NRCAM: variants seen among roughly 807,000 people sequenced by gnomAD.
NRCAM encodes NgCAM-related cell adhesion molecule.
In NRCAM, 83 loss-of-function variants were observed where a neutral mutation model predicts 156.5. That is an observed-to-expected ratio of 0.53 (90% CI 0.44 to 0.64). The LOEUF is 0.64. NRCAM is among the 30% of genes least tolerant of loss of function. The pLI, the probability that NRCAM is intolerant of heterozygous loss-of-function variation, is 0.00. For missense variants in NRCAM, 1,417 were observed against 1,597.3 expected (o/e 0.89, Z 1.92); for synonymous variants, 538 against 563.9 (o/e 0.95, Z 0.65).
intron 2 of NRCAM, among the ~76,000 whole-genome samples, chr7:108,375,227 G>C (rs776141847): frequency 2.6e-5 from 4 of 152,082 alleles, no homozygotes; most frequent in Non-Finnish European, 5.9e-5. Flanking sequence ...ACTACATTAT[G>C]CAGCAGAGTG....
At chr7:108,335,012 T>TAC (rs1462255833) in intron 2 of NRCAM, among the ~76,000 whole-genome samples, 1 of 152,202 alleles carries the variant, frequency 6.6e-6, no homozygotes, top group African/African-American at 2.4e-5. Context: ...TAGGCATATT[T>TAC]ACATCCATTA....
intron 2 of NRCAM, among the ~76,000 whole-genome samples, chr7:108,322,887 A>G (rs1429035582): frequency 6.6e-6 from 1 of 152,226 alleles, no homozygotes; most frequent in African/African-American, 2.4e-5. Flanking sequence ...ATTATTACAA[A>G]TAAAGCAATC....
chr7:108,190,846 A>C (rs891524230), intron 19 of NRCAM, among the ~76,000 whole-genome samples: 14 of 152,220 alleles, frequency 9.2e-5, no homozygotes, highest in African/African-American at 3.1e-4. Flanking sequence ...ATCCCAAAAC[A>C]AGATTTTTCC....
Position 108,210,997 on chromosome 7 carries a change from G to A in NRCAM, c.891-1392C>T, listed in dbSNP as rs553410673. ...AGAGCAGCATGTGGAGGCTTGCATC[G>A]TGAATTTTAGCTCCAGAATAACTGC... On this transcript the variant is annotated intron_variant, in intron 11 of 32. Coordinates refer to ENST00000379028, the MANE Select transcript of NRCAM (RefSeq NM_001037132.4). 1.3e-3 allele frequency among the ~76,000 whole-genome samples: 199 copies of A among 152,296 alleles called. 1 individual carries two copies. Among genetic ancestry groups the A allele is most frequent in the South Asian group, 0.011 (53 of 4,822 alleles).
chr7:108,447,154 T>C lies in NRCAM; in HGVS notation c.-332+9089A>G, dbSNP rs138701712. Among the ~76,000 whole-genome samples, 125 of 152,270 alleles carry C rather than the reference T, an allele frequency of 8.2e-4. 1 individual carries two copies. The highest frequency in any genetic ancestry group is 2.9e-3 in the African/African-American group (122 of 41,534). On this transcript the variant is annotated intron_variant, in intron 1 of 32. Transcript: ENST00000379028. ...GAAAAATTTTTCATGAATTGAACTT[T>C]GATACATTACAGCAGCTCACTCATC...
chr7:108,408,507 T>C (rs1036092936), intron 1 of NRCAM, among the ~76,000 whole-genome samples: 7 of 152,130 alleles, frequency 4.6e-5, no homozygotes, highest in Non-Finnish European at 4.4e-5. Flanking sequence ...TCCCGGAAAA[T>C]TGGAAGCTTC....
intron 17 of NRCAM, 103 bp from the exon 18 acceptor site, chr7:108,191,956 G>A (rs1271454634): frequency 2.2e-6 from 3 of 1,347,780 alleles, no homozygotes; most frequent in Non-Finnish European, 3.0e-6. Flanking sequence ...AAAGGAGAAA[G>A]ATGGTAAACA....
intron 2 of NRCAM, among the ~76,000 whole-genome samples, chr7:108,338,578 CAG>C (rs1330264161): frequency 6.7e-6 from 1 of 148,250 alleles, no homozygotes; most frequent in Non-Finnish European, 1.5e-5. Flanking sequence ...GAGTGAGACA[CAG>C]AGAGAGGGAG....
chr7:108,197,837 T>C (rs2075970709), intron 14 of NRCAM, 119 bp downstream of exon 14: 1 of 642,008 alleles, frequency 1.6e-6, no homozygotes, highest in Non-Finnish European at 2.4e-6. Context: ...CCATCCCTTA[T>C]AGCTCCAAGT....
At chr7:108,151,216 G>GA (rs903149065) in intron 32 of NRCAM, among the ~76,000 whole-genome samples, 2 of 151,154 alleles carry the variant, frequency 1.3e-5, no homozygotes, top group African/African-American at 4.9e-5. Context: ...TAACATTTGG[G>GA]AAAAAAATAG....
At chr7:108,209,346 G>A (rs2082847012) in intron 12 of NRCAM, 75 bp downstream of exon 12, 1 of 1,019,558 alleles carries the variant, frequency 9.8e-7, no homozygotes, top group Non-Finnish European at 1.4e-6. Flanking sequence ...TACTAAAAAT[G>A]TAATGAAAAC....
At chr7:108,256,160 G>A (rs1282657009) in intron 3 of NRCAM, among the ~76,000 whole-genome samples, 1 of 152,152 alleles carries the variant, frequency 6.6e-6, no homozygotes, top group East Asian at 1.9e-4. Context: ...CCATGATGAC[G>A]GTGGTGGTTT....
intron 2 of NRCAM, chr7:108,328,781 T>C (rs1196322629): frequency 6.6e-6 from 1 of 152,236 alleles, no homozygotes; most frequent in East Asian, 1.9e-4. Context: ...GTAACTGCCA[T>C]ATTTTCACCT....
At chr7:108,384,359 G>T (rs138063300) in intron 2 of NRCAM, among the ~76,000 whole-genome samples, 7 of 152,162 alleles carry the variant, frequency 4.6e-5, no homozygotes, top group African/African-American at 1.7e-4. Context: ...GGGTGAACTG[G>T]TAGAAAAAAA....
chr7:108,151,662 A>T (rs1179833671), intron 32 of NRCAM, among the ~76,000 whole-genome samples: 1 of 152,160 alleles, frequency 6.6e-6, no homozygotes, highest in East Asian at 1.9e-4. Context: ...ACAACTGGAG[A>T]GGTATCATCT....
At chr7:108,416,189 C>T (rs1027362257) in intron 1 of NRCAM, among the ~76,000 whole-genome samples, 1 of 152,198 alleles carries the variant, frequency 6.6e-6, no homozygotes, top group South Asian at 2.1e-4. Flanking sequence ...AGAATAACTA[C>T]AGGAGATTTG....
chr7:108,157,338 C>A (rs181264211), intron 32 of NRCAM, among the ~76,000 whole-genome samples: 1 of 152,086 alleles, frequency 6.6e-6, no homozygotes, highest in African/African-American at 2.4e-5. Context: ...TAAATTAACA[C>A]TAAGACAAAG....
intron 32 of NRCAM, among the ~76,000 whole-genome samples, chr7:108,151,917 C>G (rs2041891647): frequency 6.6e-6 from 1 of 152,142 alleles, no homozygotes; most frequent in South Asian, 2.1e-4. Flanking sequence ...GAATACACTG[C>G]TGGAAATTTG....
chr7:108,320,076 T>C (rs1374771192), intron 2 of NRCAM, among the ~76,000 whole-genome samples: 1 of 152,252 alleles, frequency 6.6e-6, no homozygotes, highest in African/African-American at 2.4e-5. Context: ...CTTTTGATAG[T>C]GTTTAATATA....
Sources: allele counts gnomAD v4.1 joint callset (sites outside exome capture counted in the v4.1 genomes callset), GRCh38; gene constraint gnomAD v4.1.1; transcripts MANE v1.5; gene names NCBI Gene and HGNC (gene_info 2026-07-23, HGNC 2026-07-21).